Variants in TNFRSF11A observed in about 807,000 individuals in gnomAD.
TNFRSF11A encodes the protein tumor necrosis factor receptor superfamily member 11A.
A neutral mutation model predicts 55.7 loss-of-function variants in TNFRSF11A; 32 were observed. The ratio of observed to expected loss-of-function variants is 0.57; its 90% CI spans 0.43 to 0.77. TNFRSF11A has a LOEUF of 0.77. Among genes scored for constraint, TNFRSF11A ranks in the 30% least tolerant of loss-of-function variants. The probability of loss-of-function intolerance (pLI) is 0.00; values close to 1 mark genes in which losing one functional copy is unlikely to be tolerated. For missense variants in TNFRSF11A, 753 were observed against 809.8 expected, an observed-to-expected ratio of 0.93 and a Z score of 0.85; for synonymous variants, 311 against 331.0, an observed-to-expected ratio of 0.94 and a Z score of 0.65.
chr18:62,355,284 AT>A (rs1178667907), intron 4 of TNFRSF11A, among the ~76,000 whole-genome samples: 3 of 149,276 alleles, frequency 2.0e-5, no homozygotes, highest in Admixed American at 6.7e-5. Context: ...TATTTTATTT[AT>A]TTTTTTTTTG....
At chr18:62,381,887 A>C (rs1442838601) in intron 9 of TNFRSF11A, among the ~76,000 whole-genome samples, 1 of 152,120 alleles carries the variant, frequency 6.6e-6, no homozygotes, top group Admixed American at 6.6e-5. Flanking sequence ...TGATTTCTCT[A>C]GGAGGACTTA....
chr18:62,340,762 G>A (rs1406651721), intron 1 of TNFRSF11A, among the ~76,000 whole-genome samples: 1 of 152,102 alleles, frequency 6.6e-6, no homozygotes. Context: ...GTACCTGACT[G>A]GTATAACTTA....
In TNFRSF11A at chr18:62,369,193, G is replaced by A; in HGVS notation, c.1276G>A (p.Val426Met). The A allele has an allele frequency of 1.9e-6, 3 of 1,614,062 alleles. No homozygotes were observed. The highest frequency in any genetic ancestry group is 2.5e-6 in the Non-Finnish European group (3 of 1,180,056). ...CTCTGAAAACTACTTGCAAAAAGAGGTGGACAGTGGCCATTGCCCGCACTG... is the reference window on the plus strand; with the variant it reads ...CTCTGAAAACTACTTGCAAAAAGAGATGGACAGTGGCCATTGCCCGCACTG... The part of the protein sequence containing the change: ...MSSENYLQKE[V>M]DSGHCPHWAA... The change falls in exon 9 of 10, where the codon GTG becomes ATG. Residue 426 changes from valine (V) to methionine (M), a missense_variant. By Grantham distance (21) the Val-to-Met change is conservative. Around this residue, in one of 3 missense-constraint regions of TNFRSF11A, gnomAD observed 567 missense variants for 596.7 expected, o/e 0.95. Transcript: ENST00000586569.
In TNFRSF11A at chr18:62,384,801, A is replaced by G. The variant is rs117028614; in HGVS notation, c.1618A>G (p.Met540Val). 1,431 of 1,612,244 alleles carry G rather than the reference A, an allele frequency of 8.9e-4. No individual in the cohort carries two copies. Among genetic ancestry groups the G allele is most frequent in the Non-Finnish European group, 1.1e-3 (1,304 of 1,179,522 alleles). The change falls in exon 10 of 10, where the codon ATG becomes GTG. Residue 540 changes from methionine to valine, a missense_variant. Physicochemically the swap from Met to Val is conservative, Grantham distance 21 (BLOSUM62 1). This residue lies in a region of TNFRSF11A where 567 missense variants were observed against 596.7 expected (regional missense o/e 0.95). Transcript: ENST00000586569. Reference sequence around the variant, plus strand: ...CACGTTCATCTCCAGCGGGCAGGTGATGAACTTCAAGGGCGACATCATCGT... The same window carrying G: ...CACGTTCATCTCCAGCGGGCAGGTGGTGAACTTCAAGGGCGACATCATCGT... The part of the protein sequence containing the change: ...NSTFISSGQV[M>V]NFKGDIIVVY...
At chr18:62,328,456 G>C (rs972611583) in intron 1 of TNFRSF11A, among the ~76,000 whole-genome samples, 1 of 151,644 alleles carries the variant, frequency 6.6e-6, no homozygotes, top group Non-Finnish European at 1.5e-5. Flanking sequence ...TTATGACCTT[G>C]CAGATAGCAC....
chr18:62,374,355 C>T (rs943250881), intron 9 of TNFRSF11A, among the ~76,000 whole-genome samples: 5 of 152,088 alleles, frequency 3.3e-5, no homozygotes, highest in African/African-American at 1.2e-4. Context: ...CATCACATAC[C>T]CAGTTTCTTC....
chr18:62,339,494 A>T (rs1340638920), intron 1 of TNFRSF11A, among the ~76,000 whole-genome samples: 1 of 152,146 alleles, frequency 6.6e-6, no homozygotes, highest in Non-Finnish European at 1.5e-5. Context: ...TTTCCAATGC[A>T]TTAGTTCTGG....
At chr18:62,375,285 G>A (rs181827208) in intron 9 of TNFRSF11A, among the ~76,000 whole-genome samples, 13 of 152,094 alleles carry the variant, frequency 8.5e-5, no homozygotes, top group Admixed American at 5.2e-4. Context: ...CAGCCTGAGC[G>A]ATTAAGCAAG....
chr18:62,345,930 G>A (rs756337484), intron 1 of TNFRSF11A, among the ~76,000 whole-genome samples: 2 of 152,202 alleles, frequency 1.3e-5, no homozygotes, highest in African/African-American at 2.4e-5. Flanking sequence ...GGATAGGTGG[G>A]TTGAATGAAT....
At chr18:62,355,751 T>G (rs376796908) in intron 4 of TNFRSF11A, among the ~76,000 whole-genome samples, 1 of 152,242 alleles carries the variant, frequency 6.6e-6, no homozygotes, top group Non-Finnish European at 1.5e-5. Context: ...TGAGTGGGAT[T>G]GTTTTTCCAA....
Position 62,367,275 on chromosome 18 carries a change from T to A in TNFRSF11A, c.783+515T>A, listed in dbSNP as rs79156666. On this transcript the variant is annotated intron_variant, in intron 8 of 9. Coordinates refer to ENST00000586569, the MANE Select transcript of TNFRSF11A (RefSeq NM_003839.4). ...TTCTAGATGCCTGTTTTCTTTGTCT[T>A]TGTTTCCACTTCTGTCATCTCTGTG... Among the ~76,000 whole-genome samples, 815 of 152,392 alleles carry A rather than the reference T, an allele frequency of 5.3e-3. 14 individuals carry two copies. The East Asian group carries it at 0.071, about 13-fold the overall frequency.
rs759421031 is a variant in TNFRSF11A at position 62,361,786 on chromosome 18, A to C, written c.723A>C (p.Ala241=). 6.8e-6 allele frequency: 11 copies of C among 1,613,574 alleles called. No homozygotes were observed. In the African/African-American group the frequency reaches 1.2e-4, roughly 18 times the overall value. Residue 241 remains alanine, a synonymous_variant, in exon 7 of 10, where the codon GCA becomes GCC. Coordinates refer to ENST00000586569, the MANE Select transcript of TNFRSF11A (RefSeq NM_003839.4). Reference sequence around the variant, plus strand: ...TTTGCTATAGGAAAAAAGGGAAAGCACTCACAGGTATTGTGTCTATGGTGG... The same window carrying C: ...TTTGCTATAGGAAAAAAGGGAAAGCCCTCACAGGTATTGTGTCTATGGTGG... ...FGVCYRKKGK[A]LTANLWHWIN...
intron 9 of TNFRSF11A, among the ~76,000 whole-genome samples, chr18:62,376,095 A>G (rs997057896): frequency 2.0e-5 from 3 of 152,176 alleles, no homozygotes; most frequent in Admixed American, 2.0e-4. Context: ...AGGGAGAGGC[A>G]GTAGCCAGGC....
chr18:62,369,618 G>T lies in TNFRSF11A; in HGVS notation c.1567+134G>T, dbSNP rs1029595217. On this transcript the variant is annotated intron_variant, in intron 9 of 9. Coordinates refer to ENST00000586569, the MANE Select transcript of TNFRSF11A (RefSeq NM_003839.4). ...CAGCTTGTGCTTTTTCTCTTAATAAGCATTTTTACAGGATGGCTTTGGATT... is the reference window on the plus strand; with the variant it reads ...CAGCTTGTGCTTTTTCTCTTAATAATCATTTTTACAGGATGGCTTTGGATT... 10 of 1,162,476 alleles carry T rather than the reference G, an allele frequency of 8.6e-6. No homozygotes were observed. The Admixed American group carries it at 1.2e-4, about 14-fold the overall frequency. The allele number at this position is 1,162,476 out of a possible 1,614,324, so 72.0% of individuals were successfully genotyped here.
At chr18:62,371,123 C>A (rs1910520560) in intron 9 of TNFRSF11A, among the ~76,000 whole-genome samples, 2 of 152,198 alleles carry the variant, frequency 1.3e-5, no homozygotes, top group Admixed American at 1.3e-4. Flanking sequence ...AGCCACTGCA[C>A]CTGGCCTGTT....
Position 62,349,905 on chromosome 18 carries a change from A to T in TNFRSF11A, c.251A>T (p.Asp84Val). 1 of 1,614,144 alleles carries T rather than the reference A, an allele frequency of 6.2e-7. No individual in the cohort carries two copies. The highest frequency in any genetic ancestry group is 8.5e-7 in the Non-Finnish European group (1 of 1,179,982). The part of the protein sequence containing the change: ...DEYLDSWNEE[D>V]KCLLHKVCDT... ...TACTTGGATAGCTGGAATGAAGAAG[A>T]TAAATGCTTGCTGCATAAAGTTTGT... Residue 84 changes from aspartate to valine, a missense_variant, in exon 3 of 10, where the codon GAT becomes GTT. Physicochemically the swap from Asp to Val is radical, Grantham distance 152 (BLOSUM62 -3). Around this residue, in one of 3 missense-constraint regions of TNFRSF11A, gnomAD observed 156 missense variants for 155.1 expected, o/e 1.01. Coordinates refer to ENST00000586569, the MANE Select transcript of TNFRSF11A (RefSeq NM_003839.4).
At chr18:62,352,262 A>C (rs767774885) in intron 3 of TNFRSF11A, among the ~76,000 whole-genome samples, 1 of 152,262 alleles carries the variant, frequency 6.6e-6, no homozygotes, top group African/African-American at 2.4e-5. Context: ...TTTTAGAGGA[A>C]CATTTTATTT....
At chr18:62,365,728 T>C (rs572170535) in intron 7 of TNFRSF11A, among the ~76,000 whole-genome samples, 1 of 152,228 alleles carries the variant, frequency 6.6e-6, no homozygotes, top group Non-Finnish European at 1.5e-5. Flanking sequence ...TAGAGGATCA[T>C]GTTTTGCTTT....
chr18:62,373,466 A>C (rs1412501219), intron 9 of TNFRSF11A, among the ~76,000 whole-genome samples: 2 of 152,124 alleles, frequency 1.3e-5, no homozygotes, highest in Non-Finnish European at 2.9e-5. Context: ...AAAAAAAAGA[A>C]AGAAAAGAAA....
Sources: allele counts gnomAD v4.1 joint callset (sites outside exome capture counted in the v4.1 genomes callset), GRCh38; gene constraint gnomAD v4.1.1; regional missense constraint gnomAD v4.1.1; transcripts MANE v1.5; gene names NCBI Gene and HGNC (gene_info 2026-07-23, HGNC 2026-07-21).